Variants in RBFOX1 observed in about 807,000 individuals in gnomAD.
RBFOX1 encodes RNA binding fox-1 homolog 1.
Under a neutral mutation model 57.7 loss-of-function variants are expected in RBFOX1, and 8 were observed. That is an observed-to-expected ratio of 0.14 (90% CI 0.08 to 0.25). The LOEUF is 0.25. RBFOX1 is among the 10% of genes least tolerant of loss of function. The pLI is 1.00. For synonymous variants in RBFOX1, 326 were observed against 222.4 expected, an observed-to-expected ratio of 1.47 and a Z score of -4.15; for missense variants, 611 against 548.5, an observed-to-expected ratio of 1.11 and a Z score of -1.14.
chr16:6,833,006 T>C (rs2092819732), intron 3 of RBFOX1, among the ~76,000 whole-genome samples: 1 of 152,138 alleles, frequency 6.6e-6, no homozygotes, highest in South Asian at 2.1e-4. Context: ...ACTAATGTTC[T>C]AACTCAGCAC....
At chr16:7,373,833 A>T (rs990713954) in intron 4 of RBFOX1, among the ~76,000 whole-genome samples, 1 of 152,214 alleles carries the variant, frequency 6.6e-6, no homozygotes. Context: ...AGATGGACAC[A>T]TTCACGTTTT....
At chr16:6,702,815 T>G (rs1326846890) in intron 3 of RBFOX1, among the ~76,000 whole-genome samples, 1 of 152,204 alleles carries the variant, frequency 6.6e-6, no homozygotes, top group African/African-American at 2.4e-5. Flanking sequence ...AATGTAGAGT[T>G]CAGTGGCATT....
intron 2 of RBFOX1, among the ~76,000 whole-genome samples, chr16:6,503,605 A>C (rs1335141994): frequency 6.6e-6 from 1 of 152,128 alleles, no homozygotes; most frequent in African/African-American, 2.4e-5. Flanking sequence ...CCTTTTCGGC[A>C]GGCTTGCTTA....
chr16:7,352,651 G>A (rs1291547145), intron 4 of RBFOX1, among the ~76,000 whole-genome samples: 1 of 152,036 alleles, frequency 6.6e-6, no homozygotes, highest in Non-Finnish European at 1.5e-5. Flanking sequence ...CCTGGTGCAG[G>A]GATTCTGAAG....
At chr16:7,229,095 G>C (rs1486589562) in intron 4 of RBFOX1, among the ~76,000 whole-genome samples, 1 of 152,134 alleles carries the variant, frequency 6.6e-6, no homozygotes, top group Non-Finnish European at 1.5e-5. Context: ...AAAGAAGGGA[G>C]CACTCTGAAA....
chr16:6,832,270 G>A (rs931912473), intron 3 of RBFOX1, among the ~76,000 whole-genome samples: 2 of 152,190 alleles, frequency 1.3e-5, no homozygotes, highest in African/African-American at 4.8e-5. Context: ...CTTGAAAAGA[G>A]CAATTGCTGA....
intron 2 of RBFOX1, among the ~76,000 whole-genome samples, chr16:6,619,932 TC>T (rs972700801): frequency 3.3e-5 from 5 of 152,088 alleles, no homozygotes; most frequent in Non-Finnish European, 7.3e-5. Flanking sequence ...ATGGTTTAAG[TC>T]CCAGTTTTAA....
At chr16:7,363,534 C>G (rs4787007) in intron 4 of RBFOX1, among the ~76,000 whole-genome samples, 72,125 of 151,620 alleles carry the variant, frequency 0.48, 19,266 homozygotes, top group East Asian at 0.73. Flanking sequence ...TTGTGGGCCT[C>G]TCAGCCTGGC....
chr16:5,307,424 C>T (rs533389250), intron 1 of RBFOX1, among the ~76,000 whole-genome samples: 6 of 152,068 alleles, frequency 3.9e-5, no homozygotes, highest in African/African-American at 1.4e-4. Context: ...AACACATGCT[C>T]GTGGTGAAGT....
At chr16:7,282,022 C>T (rs776981976) in intron 4 of RBFOX1, among the ~76,000 whole-genome samples, 6 of 149,136 alleles carry the variant, frequency 4.0e-5, no homozygotes, top group East Asian at 2.0e-4. Context: ...CGTGCCATCA[C>T]GCCTGGCAAT....
intron 3 of RBFOX1, among the ~76,000 whole-genome samples, chr16:6,957,602 A>C (rs1372678635): frequency 6.6e-6 from 1 of 152,066 alleles, no homozygotes; most frequent in African/African-American, 2.4e-5. Flanking sequence ...TCTTTACTGC[A>C]ACCTGTTTTA....
intron 4 of RBFOX1, among the ~76,000 whole-genome samples, chr16:7,071,918 C>G (rs76767684): frequency 0.019 from 2,896 of 152,224 alleles, 99 homozygotes; most frequent in African/African-American, 0.065. Flanking sequence ...TTGCTCTTCA[C>G]TACTACATCT....
intron 5 of RBFOX1, among the ~76,000 whole-genome samples, chr16:7,539,911 C>A (rs1044978557): frequency 2.0e-5 from 3 of 152,178 alleles, no homozygotes; most frequent in Non-Finnish European, 4.4e-5. Flanking sequence ...GAGAAGGCAG[C>A]CCCTTGGAGG....
rs530813093 is a variant in RBFOX1, at chr16:6,850,086, A to G, written c.-16+195436A>G. ...TACCTTCTTAACCGAGTCGATTGAC[A>G]TGGACTCTTAAGTATTTAGCTTCTT... On this transcript the variant is annotated intron_variant, in intron 3 of 15. Transcript: ENST00000550418. Among the ~76,000 whole-genome samples the G allele has an allele frequency of 2.5e-4, 38 of 152,274 alleles. No individual in the cohort carries two copies. In the East Asian group the frequency reaches 5.4e-3, roughly 22 times the overall value.
At chr16:5,606,600 C>T (rs531795146) in intron 3 of RBFOX1, among the ~76,000 whole-genome samples, 11 of 152,260 alleles carry the variant, frequency 7.2e-5, no homozygotes, top group East Asian at 1.9e-4. Context: ...AGACTCAAAC[C>T]GTGCCCTCAA....
chr16:5,778,404 C>T (rs763844495), intron 3 of RBFOX1, among the ~76,000 whole-genome samples: 2 of 152,158 alleles, frequency 1.3e-5, no homozygotes, highest in Non-Finnish European at 2.9e-5. Flanking sequence ...CCTAGTCCTT[C>T]ACCTGGTTCA....
chr16:5,239,821 T>G, exon 1 of RBFOX1: 1 of 935,788 alleles, frequency 1.1e-6, no homozygotes, highest in Non-Finnish European at 1.6e-6. Context: ...ACGCCCCAGC[T>G]CCGCCGAGAG....
intron 3 of RBFOX1, among the ~76,000 whole-genome samples, chr16:6,914,072 G>C (rs1435732646): frequency 6.6e-6 from 1 of 152,148 alleles, no homozygotes; most frequent in Admixed American, 6.5e-5. Flanking sequence ...CCCATCTTTT[G>C]TTTTATGTCT....
chr16:6,736,817 C>T (rs2070457781), intron 3 of RBFOX1, among the ~76,000 whole-genome samples: 1 of 152,134 alleles, frequency 6.6e-6, no homozygotes, highest in African/African-American at 2.4e-5. Context: ...TGTATTCATA[C>T]ATCTGAATTC....
Sources: allele counts gnomAD v4.1 joint callset (sites outside exome capture counted in the v4.1 genomes callset), GRCh38; gene constraint gnomAD v4.1.1; transcripts MANE v1.5; gene names NCBI Gene and HGNC (gene_info 2026-07-23, HGNC 2026-07-21).